The following PHIP variants were observed in gnomAD, a reference collection of about 807,000 sequenced individuals.
PHIP encodes PH-interacting protein.
Under a neutral mutation model 236.8 loss-of-function variants are expected in PHIP, and 54 were observed. That is an observed-to-expected ratio of 0.23 (90% CI 0.18 to 0.29). The LOEUF (loss-of-function observed/expected upper bound fraction) is 0.29. PHIP is among the 10% of genes least tolerant of loss of function. PHIP has a pLI of 1.00. For synonymous variants in PHIP, 756 were observed against 718.9 expected (o/e 1.05, Z -0.83); for missense variants, 1,370 against 2,190.8 (o/e 0.63, Z 7.48).
At chr6:78,972,684 G>A (rs1767682093) in intron 24 of PHIP, among the ~76,000 whole-genome samples, 1 of 152,214 alleles carries the variant, frequency 6.6e-6, no homozygotes, top group African/African-American at 2.4e-5. Context: ...AGTGCTTAAA[G>A]GAGCTGATAG....
intron 7 of PHIP, among the ~76,000 whole-genome samples, chr6:79,031,833 T>C (rs1771684549): frequency 6.6e-6 from 1 of 152,228 alleles, no homozygotes; most frequent in African/African-American, 2.4e-5. Flanking sequence ...CAATTAGTAT[T>C]TTTTTCTGTA....
At chr6:79,066,649 G>A (rs1341288196) in intron 4 of PHIP, among the ~76,000 whole-genome samples, 1 of 152,120 alleles carries the variant, frequency 6.6e-6, no homozygotes, top group African/African-American at 2.4e-5. Context: ...AAGGAAACTA[G>A]CATAAAAGCA....
intron 7 of PHIP, among the ~76,000 whole-genome samples, chr6:79,037,676 AAG>A (rs1772007609): frequency 6.6e-6 from 1 of 152,254 alleles, no homozygotes; most frequent in African/African-American, 2.4e-5. Flanking sequence ...TCTGAAGTAC[AAG>A]AGATCAGTGT....
At chr6:78,974,707 C>G (rs1176674613) in intron 24 of PHIP, among the ~76,000 whole-genome samples, 1 of 152,256 alleles carries the variant, frequency 6.6e-6, no homozygotes, top group East Asian at 1.9e-4. Flanking sequence ...ACCGATCCCA[C>G]AGAAATACAA....
Position 78,955,405 on chromosome 6 carries a change from T to C in PHIP, c.3853-123A>G, listed in dbSNP as rs572270291. ...ACCTGTAATGTATATGCTGGGGCAC[T>C]TTATTGACTCATTAAAAAGGTTCCC... On this transcript the variant is annotated intron_variant, in intron 33 of 39. Coordinates refer to ENST00000275034, the MANE Select transcript of PHIP (RefSeq NM_017934.7). 25 of 689,150 alleles carry C rather than the reference T, an allele frequency of 3.6e-5. No homozygotes were observed. The African/African-American group carries it at 3.9e-4, about 11-fold the overall frequency. 42.7% of individuals were successfully genotyped at this position (689,150 alleles called of 1,614,324 possible).
At chr6:79,077,058 G>A (rs923513728) in intron 4 of PHIP, among the ~76,000 whole-genome samples, 1 of 152,078 alleles carries the variant, frequency 6.6e-6, no homozygotes, top group African/African-American at 2.4e-5. Context: ...CGCGCGTGCA[G>A]AGCGAGCAAG....
chr6:79,032,316 T>C (rs1333442799), intron 7 of PHIP, among the ~76,000 whole-genome samples: 3 of 152,202 alleles, frequency 2.0e-5, no homozygotes, highest in African/African-American at 7.2e-5. Flanking sequence ...TCCATTGGAC[T>C]CTTCCTTTCA....
chr6:78,969,247 ATATCAAT>A (rs1185148239), intron 27 of PHIP, among the ~76,000 whole-genome samples: 1 of 152,228 alleles, frequency 6.6e-6, no homozygotes, highest in East Asian at 1.9e-4. Context: ...ACAGACTGGT[ATATCAAT>A]TGATGTGCTT....
intron 32 of PHIP, chr6:78,955,993 C>A: frequency 5.4e-6 from 1 of 185,652 alleles, no homozygotes; most frequent in Non-Finnish European, 1.1e-5. Flanking sequence ...TCTTGTCTTC[C>A]AACTCTTTCT....
At chr6:78,981,220 A>G (rs1768508639) in intron 23 of PHIP, among the ~76,000 whole-genome samples, 1 of 151,936 alleles carries the variant, frequency 6.6e-6, no homozygotes, top group African/African-American at 2.4e-5. Context: ...CAACCATGGG[A>G]ATGCTTCTAG....
intron 6 of PHIP, among the ~76,000 whole-genome samples, chr6:79,051,120 G>T (rs920722415): frequency 1.3e-5 from 2 of 152,136 alleles, no homozygotes; most frequent in African/African-American, 4.8e-5. Context: ...GGGTATCAAG[G>T]AAGTAATGAC....
At chr6:78,952,638 C>T (rs1297680155) in intron 35 of PHIP, among the ~76,000 whole-genome samples, 2 of 152,004 alleles carry the variant, frequency 1.3e-5, no homozygotes, top group Non-Finnish European at 2.9e-5. Context: ...ATAGAATTTG[C>T]TTAGATCTTT....
At chr6:79,016,323 T>C (rs1770831633) in intron 13 of PHIP, among the ~76,000 whole-genome samples, 1 of 151,966 alleles carries the variant, frequency 6.6e-6, no homozygotes, top group African/African-American at 2.4e-5. Flanking sequence ...TACAGTACTT[T>C]TATCATCTCC....
At chr6:79,063,261 T>A (rs1370427152) in intron 4 of PHIP, among the ~76,000 whole-genome samples, 1 of 152,206 alleles carries the variant, frequency 6.6e-6, no homozygotes, top group Non-Finnish European at 1.5e-5. Flanking sequence ...AATAAAGTTC[T>A]AGTTGGATAT....
intron 22 of PHIP, among the ~76,000 whole-genome samples, chr6:78,985,016 T>C (rs551201983): frequency 1.3e-5 from 2 of 152,116 alleles, no homozygotes; most frequent in East Asian, 3.9e-4. Context: ...CTATATAAGA[T>C]AGTTAACTCA....
At chr6:78,990,146 A>G (rs1396464102) in intron 20 of PHIP, among the ~76,000 whole-genome samples, 3 of 152,184 alleles carry the variant, frequency 2.0e-5, no homozygotes, top group African/African-American at 7.2e-5. Flanking sequence ...CTTTGTTTCA[A>G]TAATTGCTTT....
chr6:78,978,736 T>C (rs1562147002), intron 23 of PHIP, 25 bp from the exon 24 acceptor site: 5 of 1,566,870 alleles, frequency 3.2e-6, no homozygotes, highest in Non-Finnish European at 4.4e-6. Flanking sequence ...GTAATAATTG[T>C]TAAGTAATAA....
At chr6:78,960,564 C>G (rs939611596) in intron 31 of PHIP, among the ~76,000 whole-genome samples, 9 of 151,444 alleles carry the variant, frequency 5.9e-5, no homozygotes, top group African/African-American at 2.2e-4. Flanking sequence ...TTCTCCTTAT[C>G]TCTACGCTTT....
At chr6:79,064,390 G>A (rs112158988) in intron 4 of PHIP, among the ~76,000 whole-genome samples, 8 of 151,850 alleles carry the variant, frequency 5.3e-5, no homozygotes, top group East Asian at 1.9e-4. Flanking sequence ...CTTCCTCTCC[G>A]GAAACATGTT....
Sources: gnomAD v4.1 joint callset for allele counts (sites outside exome capture counted in the v4.1 genomes callset) on GRCh38, gnomAD v4.1.1 for gene constraint, MANE v1.5 for transcripts, NCBI Gene and HGNC (gene_info 2026-07-23, HGNC 2026-07-21) for gene names.